The following KCNQ3 variants were observed in gnomAD, a reference collection of about 807,000 sequenced individuals.
The protein encoded by KCNQ3 is potassium voltage-gated channel subfamily KQT member 3.
A neutral mutation model predicts 92.5 loss-of-function variants in KCNQ3; 30 were observed. That is an observed-to-expected ratio of 0.32 (90% confidence interval 0.24 to 0.44). The LOEUF is 0.44. Ranked by LOEUF, KCNQ3 falls within the 20% of genes least tolerant of loss-of-function variation. The probability of loss-of-function intolerance (pLI) is 1.00; values close to 1 mark genes in which losing one functional copy is unlikely to be tolerated. For synonymous variants in KCNQ3, 450 were observed against 468.8 expected, an observed-to-expected ratio of 0.96 and a Z score of 0.52; for missense variants, 913 against 1,140.3, an observed-to-expected ratio of 0.80 and a Z score of 2.87.
intron 9 of KCNQ3, among the ~76,000 whole-genome samples, chr8:132,149,858 C>T (rs1406565989): frequency 2.6e-5 from 4 of 152,278 alleles, no homozygotes; most frequent in African/African-American, 9.6e-5. Flanking sequence ...TTCCCTGCCA[C>T]GTGTCCACAG....
At chr8:132,329,668 T>G (rs1055829043) in intron 1 of KCNQ3, among the ~76,000 whole-genome samples, 2 of 152,216 alleles carry the variant, frequency 1.3e-5, no homozygotes, top group African/African-American at 4.8e-5. Flanking sequence ...AAACCTTCTG[T>G]GGCATTGTAT....
chr8:132,411,603 G>T (rs1168991992), intron 1 of KCNQ3, among the ~76,000 whole-genome samples: 1 of 152,096 alleles, frequency 6.6e-6, no homozygotes, highest in Non-Finnish European at 1.5e-5. Context: ...CTGAATATCT[G>T]CTAGGGCTAG....
chr8:132,202,504 G>C (rs1586825362), intron 1 of KCNQ3, among the ~76,000 whole-genome samples: 2 of 151,386 alleles, frequency 1.3e-5, no homozygotes, highest in Non-Finnish European at 2.9e-5. Flanking sequence ...TCATTTTATT[G>C]CAAGAAGGCC....
chr8:132,202,388 C>T (rs1180063574), intron 1 of KCNQ3, among the ~76,000 whole-genome samples: 1 of 152,092 alleles, frequency 6.6e-6, no homozygotes, highest in East Asian at 1.9e-4. Context: ...CTTGAACATG[C>T]TTTTTTGTTC....
rs141037205 is a variant in KCNQ3 at position 132,371,964 on chromosome 8, C to A, written c.386+108183G>T. Reference sequence around the variant, plus strand: ...GGGGGATTTGTAGCAATTTAAGATACCGTTTTGCACAGGGTAGGTACAAAG... The same window carrying A: ...GGGGGATTTGTAGCAATTTAAGATAACGTTTTGCACAGGGTAGGTACAAAG... On this transcript the variant is annotated intron_variant, in intron 1 of 14. Coordinates refer to ENST00000388996, the MANE Select transcript of KCNQ3 (RefSeq NM_004519.4). Among the ~76,000 whole-genome samples, 801 of 152,228 alleles carry A rather than the reference C, an allele frequency of 5.3e-3. 10 individuals carry two copies. The highest frequency in any genetic ancestry group is 0.013 in the African/African-American group (531 of 41,540).
At chr8:132,449,381 T>C (rs539837221) in intron 1 of KCNQ3, among the ~76,000 whole-genome samples, 1 of 152,054 alleles carries the variant, frequency 6.6e-6, no homozygotes. Context: ...CACTGTGGTC[T>C]ACAGTGAACA....
At position 132,175,596 on chromosome 8, in the gene KCNQ3, C is replaced by T; in HGVS notation, c.790G>A (p.Ala264Thr). ...ICAHSKELIT[A>T]WYIGFLTLIL... ...AGTGTCAGGAAACCGATGTACCAGG[C>T]CGTGATGAGTTCCTGAAAGAATGAA... Residue 264 changes from alanine (A) to threonine (T), a missense_variant, in exon 5 of 15, where the codon GCC becomes ACC. By Grantham distance (58) the Ala-to-Thr change is moderately conservative. Coordinates refer to ENST00000388996, the MANE Select transcript of KCNQ3 (RefSeq NM_004519.4). The T allele has an allele frequency of 1.2e-6, 2 of 1,614,022 alleles. No homozygotes were observed. Among genetic ancestry groups the T allele is most frequent in the Non-Finnish European group, 1.7e-6 (2 of 1,179,974 alleles).
At chr8:132,438,984 G>A (rs750317840) in intron 1 of KCNQ3, among the ~76,000 whole-genome samples, 1 of 149,002 alleles carries the variant, frequency 6.7e-6, no homozygotes, top group Non-Finnish European at 1.5e-5. Context: ...GCAGTGTGAC[G>A]GAGGCCAAAA....
At chr8:132,428,685 C>G (rs4736582) in intron 1 of KCNQ3, among the ~76,000 whole-genome samples, 2 of 152,064 alleles carry the variant, frequency 1.3e-5, no homozygotes, top group African/African-American at 4.8e-5. Flanking sequence ...AAACTGTATA[C>G]GTACATTTAC....
intron 1 of KCNQ3, among the ~76,000 whole-genome samples, chr8:132,276,797 C>A (rs79061726): frequency 1.3e-5 from 2 of 152,116 alleles, no homozygotes; most frequent in Non-Finnish European, 2.9e-5. Context: ...CAGAGCTAGG[C>A]GACTATGGAA....
At chr8:132,340,365 T>C (rs1238999201) in intron 1 of KCNQ3, among the ~76,000 whole-genome samples, 1 of 152,184 alleles carries the variant, frequency 6.6e-6, no homozygotes, top group Non-Finnish European at 1.5e-5. Flanking sequence ...CCAACCCGAA[T>C]GCCTGTCAAT....
At chr8:132,134,582 AAG>A (rs540098796) in intron 12 of KCNQ3, among the ~76,000 whole-genome samples, 194 bp from the exon 13 acceptor site, 229 of 151,330 alleles carry the variant, frequency 1.5e-3, no homozygotes, top group African/African-American at 5.4e-3. Context: ...GAGGAGAGGA[AAG>A]AGAGAGTGCA....
At position 132,127,207 on chromosome 8, in the gene KCNQ3, T is replaced by C. The variant is rs1352254776; in HGVS notation, c.*2055A>G. On this transcript the variant is annotated 3_prime_UTR_variant, in exon 15 of 15. Transcript: ENST00000388996. Reference sequence around the variant, plus strand: ...TCCTTCAGATTGCCAGCATGTCAAATGGAAGCCCGTGGGGCTTCATGTCTG... The same window carrying C: ...TCCTTCAGATTGCCAGCATGTCAAACGGAAGCCCGTGGGGCTTCATGTCTG... The C allele has an allele frequency of 6.6e-6, 1 of 152,236 alleles. No individual in the cohort carries two copies. The highest frequency in any genetic ancestry group is 1.5e-5 in the Non-Finnish European group (1 of 68,052). The allele number at this position is 152,236 out of a possible 1,614,324, so 9.4% of individuals were successfully genotyped here. A position where few individuals can be genotyped will look rare whatever the true frequency, so the allele number is the denominator to read the frequency against.
intron 1 of KCNQ3, among the ~76,000 whole-genome samples, chr8:132,312,260 G>A (rs1379585): frequency 6.6e-6 from 1 of 152,112 alleles, no homozygotes; most frequent in Non-Finnish European, 1.5e-5. Context: ...TCCCTCTACT[G>A]CACTGGCAGA....
At chr8:132,281,429 T>TTA (rs1322869668) in intron 1 of KCNQ3, among the ~76,000 whole-genome samples, 3 of 151,994 alleles carry the variant, frequency 2.0e-5, no homozygotes, top group African/African-American at 7.3e-5. Flanking sequence ...CACACATATA[T>TTA]TATATATATA....
At chr8:132,265,680 T>C (rs1815957992) in intron 1 of KCNQ3, among the ~76,000 whole-genome samples, 1 of 152,234 alleles carries the variant, frequency 6.6e-6, no homozygotes, top group Non-Finnish European at 1.5e-5. Context: ...ATTGTTCAAA[T>C]TGACGTCATA....
At chr8:132,184,498 C>A in intron 2 of KCNQ3, 131 bp from the exon 3 acceptor site, 1 of 646,856 alleles carries the variant, frequency 1.5e-6, no homozygotes, top group Non-Finnish European at 2.6e-6. Flanking sequence ...GCAGGGATGG[C>A]TGGGGATGGG....
Position 132,356,465 on chromosome 8 carries a change from T to C in KCNQ3, c.386+123682A>G, listed in dbSNP as rs916473113. Among the ~76,000 whole-genome samples the C allele has an allele frequency of 3.9e-5, 6 of 152,212 alleles. No individual in the cohort carries two copies. In the South Asian group the frequency reaches 1.2e-3, roughly 31 times the overall value. Reference sequence around the variant, plus strand: ...CTGGGCCCTCTGGATATGAGAGCTGTCAGGTAGACCTCAAGCCTCCACAGA... The same window carrying C: ...CTGGGCCCTCTGGATATGAGAGCTGCCAGGTAGACCTCAAGCCTCCACAGA... On this transcript the variant is annotated intron_variant, in intron 1 of 14. Coordinates refer to ENST00000388996, the MANE Select transcript of KCNQ3 (RefSeq NM_004519.4).
intron 1 of KCNQ3, among the ~76,000 whole-genome samples, chr8:132,292,513 G>A (rs1417859145): frequency 6.6e-6 from 1 of 152,164 alleles, no homozygotes; most frequent in East Asian, 1.9e-4. Flanking sequence ...TATATGGAAG[G>A]AAGTAGCGTA....
Sources: allele counts gnomAD v4.1 joint callset (sites outside exome capture counted in the v4.1 genomes callset), GRCh38; gene constraint gnomAD v4.1.1; transcripts MANE v1.5; gene names NCBI Gene and HGNC (gene_info 2026-07-23, HGNC 2026-07-21).